Variants in VPS16 observed in about 807,000 individuals in gnomAD.
VPS16 encodes the protein vacuolar protein sorting-associated protein 16 homolog.
In VPS16, 82 loss-of-function variants were observed where a neutral mutation model predicts 116.0. The ratio of observed to expected loss-of-function variants is 0.71; its 90% CI spans 0.59 to 0.85. The LOEUF (loss-of-function observed/expected upper bound fraction) is 0.85. VPS16 is among the 40% of genes least tolerant of loss of function. VPS16 has a pLI of 0.00. For missense variants in VPS16, 928 were observed against 1,090.6 expected (o/e 0.85, Z 2.10); for synonymous variants, 406 against 420.7 (o/e 0.96, Z 0.43).
chr20:2,865,165 G>T lies in VPS16; in HGVS notation c.2022G>T (p.Met674Ile), dbSNP rs762272920. The part of the protein sequence containing the change: ...EFAAKATEDQ[M>I]RLLRLQRRLE... Reference sequence around the variant, plus strand: ...GTCCCCAGGCTACAGAGGATCAAATGCGGCTCCTACGGCTGCAGCGGCGCC... The same window carrying T: ...GTCCCCAGGCTACAGAGGATCAAATTCGGCTCCTACGGCTGCAGCGGCGCC... Residue 674 changes from methionine (M) to isoleucine (I), a missense_variant, in exon 21 of 24, where the codon ATG (methionine) becomes ATT (isoleucine). By Grantham distance (10) the Met-to-Ile change is conservative. Transcript: ENST00000380445. This position sits in a 1 kb window ranked among gnomAD's most constrained non-coding sequence, Gnocchi z 5.2. The T allele has an allele frequency of 1.2e-6, 2 of 1,614,150 alleles. No individual in the cohort carries two copies. The highest frequency in any genetic ancestry group is 1.7e-5 in the Admixed American group (1 of 60,028).
At chr20:2,858,065 G>C (rs1450742043) in intron 1 of VPS16, among the ~76,000 whole-genome samples, 1 of 150,810 alleles carries the variant, frequency 6.6e-6, no homozygotes, top group African/African-American at 2.4e-5. Context: ...CCCTCTGTGA[G>C]AGTCTCGTAT....
chr20:2,850,864 C>G (rs536775054), intron 1 of VPS16, among the ~76,000 whole-genome samples: 44 of 148,198 alleles, frequency 3.0e-4, no homozygotes, highest in African/African-American at 1.1e-3. Flanking sequence ...CCCAGCTACT[C>G]AGGAGGCTGA....
chr20:2,843,090 T>C (rs1346389287), intron 1 of VPS16, among the ~76,000 whole-genome samples: 1 of 152,188 alleles, frequency 6.6e-6, no homozygotes, highest in Non-Finnish European at 1.5e-5. Flanking sequence ...TGGCAGTTTT[T>C]AGAGACCTGT....
At chr20:2,859,244 G>A (rs1412190761) in intron 1 of VPS16, among the ~76,000 whole-genome samples, 1 of 152,104 alleles carries the variant, frequency 6.6e-6, no homozygotes, top group East Asian at 1.9e-4. Context: ...AGCCATGACT[G>A]TGACACTGCA....
chr20:2,865,215 T>G lies in VPS16; in HGVS notation c.2072T>G (p.Phe691Cys). Reference protein sequence around the residue: ...RRLEDELGGQFLDLSLHDTVT... With the variant: ...RRLEDELGGQCLDLSLHDTVT... ...CTAGAAGACGAGCTGGGGGGCCAGT[T>G]CCTAGACCTGTCTCTACATGACACA... Residue 691 changes from phenylalanine (F) to cysteine (C), a missense_variant, in exon 21 of 24, where the codon TTC becomes TGC. Phe to Cys is a radical substitution (Grantham distance 205). Coordinates refer to ENST00000380445, the MANE Select transcript of VPS16 (RefSeq NM_022575.4). The surrounding 1 kb of genome is among the most constrained non-coding windows in gnomAD (Gnocchi z 5.2). 6.2e-7 allele frequency: 1 copy of G among 1,614,174 alleles called. No individual in the cohort carries two copies. The highest frequency in any genetic ancestry group is 1.1e-5 in the South Asian group (1 of 91,080).
chr20:2,845,367 A>G (rs1022358268), intron 1 of VPS16, among the ~76,000 whole-genome samples: 1 of 152,128 alleles, frequency 6.6e-6, no homozygotes, highest in African/African-American at 2.4e-5. Context: ...TTCTAGATAC[A>G]TTGAGTTTCA....
At chr20:2,848,386 A>C (rs1211992467) in intron 1 of VPS16, among the ~76,000 whole-genome samples, 1 of 152,102 alleles carries the variant, frequency 6.6e-6, no homozygotes, top group Non-Finnish European at 1.5e-5. Flanking sequence ...TGGGATTACA[A>C]GTGTGAGCCA....
At chr20:2,862,454 T>C (rs2089241807) in intron 11 of VPS16, 125 bp from the exon 12 acceptor site, 1 of 1,484,364 alleles carries the variant, frequency 6.7e-7, no homozygotes, top group Admixed American at 2.4e-5. Flanking sequence ...GCTGAGGGAG[T>C]TGGGGCTCCA....
chr20:2,859,969 G>A, intron 2 of VPS16, 85 bp from the exon 3 acceptor site: 1 of 1,552,402 alleles, frequency 6.4e-7, no homozygotes, highest in Admixed American at 1.7e-5. Flanking sequence ...CACATGGGGT[G>A]GGCCTGGGGA....
At chr20:2,854,638 A>G (rs954245145) in intron 1 of VPS16, among the ~76,000 whole-genome samples, 2 of 151,588 alleles carry the variant, frequency 1.3e-5, no homozygotes, top group East Asian at 3.9e-4. Flanking sequence ...TACTAAAGAA[A>G]TAGAAAAATT....
At chr20:2,852,790 G>C (rs1325825891) in intron 1 of VPS16, among the ~76,000 whole-genome samples, 1 of 152,214 alleles carries the variant, frequency 6.6e-6, no homozygotes, top group Admixed American at 6.5e-5. Context: ...TATTTGTGCT[G>C]GTGGAGGGTC....
intron 1 of VPS16, among the ~76,000 whole-genome samples, chr20:2,849,635 A>G (rs2089098148): frequency 6.6e-6 from 1 of 151,954 alleles, no homozygotes; most frequent in African/African-American, 2.4e-5. Context: ...GGGTGCTGTT[A>G]GAGAAGACTT....
chr20:2,861,170 C>T (rs374585828), intron 7 of VPS16, 55 bp from the exon 8 acceptor site: 177 of 1,614,040 alleles, frequency 1.1e-4, no homozygotes, highest in Non-Finnish European at 1.4e-4. Context: ...GAGGGCTTTT[C>T]GACTAGAATG....
intron 1 of VPS16, among the ~76,000 whole-genome samples, chr20:2,857,042 A>G (rs1326923463): frequency 6.6e-6 from 1 of 151,366 alleles, no homozygotes. Context: ...CAGTGGCACA[A>G]TTTTGGCTCA....
intron 1 of VPS16, among the ~76,000 whole-genome samples, chr20:2,848,100 C>T (rs2089079999): frequency 6.6e-6 from 1 of 152,186 alleles, no homozygotes; most frequent in South Asian, 2.1e-4. Context: ...CTGATGAGCA[C>T]TGCCATGAGG....
rs376050374 is a variant in VPS16 at position 2,863,053 on chromosome 20, A to G, written c.1332-12A>G. 1.2e-6 allele frequency: 2 copies of G among 1,613,944 alleles called. No homozygotes were observed. The highest frequency in any genetic ancestry group is 1.7e-6 in the Non-Finnish European group (2 of 1,180,026). ...TATTCTCCAACTGGATCCTTAACCG[A>G]GGAAAATACAGATATAAGCAGCTCA... On this transcript the variant is annotated splice_polypyrimidine_tract_variant and intron_variant, in intron 13 of 23. Coordinates refer to ENST00000380445, the MANE Select transcript of VPS16 (RefSeq NM_022575.4). This position sits in a 1 kb window ranked among gnomAD's most constrained non-coding sequence, Gnocchi z 4.4.
At position 2,847,800 on chromosome 20, in the gene VPS16, T is replaced by C. The variant is rs551453719; in HGVS notation, c.53+6973T>C. Among the ~76,000 whole-genome samples, 4 of 151,838 alleles carry C rather than the reference T, an allele frequency of 2.6e-5. No individual in the cohort carries two copies. In the South Asian group the frequency reaches 8.4e-4, roughly 32 times the overall value. On this transcript the variant is annotated intron_variant, in intron 1 of 23. Coordinates refer to ENST00000380445, the MANE Select transcript of VPS16 (RefSeq NM_022575.4). ...CCCCGCCCCCTCTCTTACCATAAGCTCTTGTCTGCACCGATACTCTAATAC... is the reference window on the plus strand; with the variant it reads ...CCCCGCCCCCTCTCTTACCATAAGCCCTTGTCTGCACCGATACTCTAATAC...
At chr20:2,842,521 C>A (rs73606183) in intron 1 of VPS16, among the ~76,000 whole-genome samples, 1 of 151,524 alleles carries the variant, frequency 6.6e-6, no homozygotes, top group Non-Finnish European at 1.5e-5. Context: ...GCAGGAGAAT[C>A]GCTTGAACCT....
chr20:2,862,415 T>A, intron 11 of VPS16, 164 bp from the exon 12 acceptor site: 1 of 1,381,900 alleles, frequency 7.2e-7, no homozygotes, highest in Non-Finnish European at 9.6e-7. Context: ...CGAGATGATG[T>A]CTGTGGGCAC....
Sources: gnomAD v4.1 joint callset for allele counts (sites outside exome capture counted in the v4.1 genomes callset) on GRCh38, gnomAD v4.1.1 for gene constraint, Gnocchi (gnomAD v3.1) non-coding constraint, MANE v1.5 for transcripts, NCBI Gene and HGNC (gene_info 2026-07-23, HGNC 2026-07-21) for gene names.